The following LRP6 variants were observed in gnomAD, a reference collection of about 807,000 sequenced individuals.
LRP6 encodes the protein LDL receptor related protein 6, also known as low-density lipoprotein receptor-related protein 6.
LRP6 carries 43 observed loss-of-function variants against 184.1 expected under a neutral mutation model. The ratio of observed to expected loss-of-function variants is 0.23; its 90% confidence interval spans 0.18 to 0.30. The LOEUF (loss-of-function observed/expected upper bound fraction) is 0.30. Among genes scored for constraint, LRP6 ranks in the 10% least tolerant of loss-of-function variants. LRP6 has a pLI of 1.00. For synonymous variants in LRP6, 719 were observed against 684.9 expected (o/e 1.05, Z -0.78); for missense variants, 1,571 against 2,005.3 (o/e 0.78, Z 4.14).
chr12:12,126,909 T>C lies in LRP6; in HGVS notation c.4094A>G (p.Glu1365Gly). The C allele has an allele frequency of 6.2e-7, 1 of 1,613,978 alleles. No homozygotes were observed. The highest frequency in any genetic ancestry group is 8.5e-7 in the Non-Finnish European group (1 of 1,179,824). Reference protein sequence around the residue: ...SDELDCYPTEEPAPQATNTVG... With the variant: ...SDELDCYPTEGPAPQATNTVG... ...TGTATTGGTGGCCTGTGGTGCTGGT[T>C]CTTCAGTCGGATCTACAATGAAGAA... is the stretch of plus-strand genomic sequence containing the variant. The change falls in exon 20 of 23, where the codon GAA becomes GGA. Residue 1365 changes from glutamate (E) to glycine (G), a missense_variant. Physicochemically the swap from Glu to Gly is moderately conservative, Grantham distance 98 (BLOSUM62 -2). Transcript: ENST00000261349.
intron 7 of LRP6, among the ~76,000 whole-genome samples, chr12:12,173,357 T>G (rs754978819): frequency 3.3e-5 from 5 of 152,298 alleles, no homozygotes; most frequent in Non-Finnish European, 5.9e-5. Context: ...CTTTTGTTTT[T>G]GGGGGGACAG....
chr12:12,212,315 T>C (rs995603102), intron 2 of LRP6, among the ~76,000 whole-genome samples: 6 of 152,174 alleles, frequency 3.9e-5, no homozygotes, highest in Admixed American at 6.5e-5. Flanking sequence ...CCTTGAAAAA[T>C]ACAGGTAAAA....
In LRP6 at chr12:12,244,447, A is replaced by G. The variant is rs765841355; in HGVS notation, c.264T>C (p.Asn88=). ...TEFNKTESVQ[N]VVVSGLLSPD... is the part of the protein sequence containing the mutation. ...GGGACAATAATCCAGAAACAACAAC[A>G]TTCTGCACACTCTCAGTTTTGTTAA... Residue 88 remains asparagine, a synonymous_variant, in exon 2 of 23, where the codon AAT becomes AAC. Coordinates refer to ENST00000261349, the MANE Select transcript of LRP6 (RefSeq NM_002336.3). 4 of 1,614,186 alleles carry G rather than the reference A, an allele frequency of 2.5e-6. No homozygotes were observed. The highest frequency in any genetic ancestry group is 4.5e-5 in the East Asian group (2 of 44,876).
chr12:12,212,130 C>T (rs1864225856), intron 2 of LRP6, among the ~76,000 whole-genome samples: 1 of 152,152 alleles, frequency 6.6e-6, no homozygotes, highest in Admixed American at 6.6e-5. Flanking sequence ...GTTTTCACCA[C>T]TCTAGATTCC....
intron 16 of LRP6, among the ~76,000 whole-genome samples, chr12:12,135,976 G>A (rs1374156984): frequency 1.3e-5 from 2 of 152,020 alleles, no homozygotes; most frequent in East Asian, 1.9e-4. Context: ...CCTGAACTCA[G>A]GAGTTCAAGA....
chr12:12,117,032 T>C lies in LRP6; in HGVS notation c.*4094A>G, dbSNP rs753364858. 1.3e-5 allele frequency: 2 copies of C among 152,216 alleles called. No individual in the cohort carries two copies. The highest frequency in any genetic ancestry group is 2.9e-5 in the Non-Finnish European group (2 of 68,044). The allele number at this position is 152,216 out of a possible 1,614,324, so 9.4% of individuals were successfully genotyped here. A position where few individuals can be genotyped will look rare whatever the true frequency, so the allele number is the denominator to read the frequency against. On this transcript the variant is annotated 3_prime_UTR_variant, in exon 23 of 23. Coordinates refer to ENST00000261349, the MANE Select transcript of LRP6 (RefSeq NM_002336.3). ...TCTTCTACCATAAAATGTTGAGAAT[T>C]TCAAAAGCTAAATTTTGAAACTATT...
intron 15 of LRP6, among the ~76,000 whole-genome samples, chr12:12,140,920 TAAAAC>T (rs941969057): frequency 2.6e-5 from 4 of 152,182 alleles, no homozygotes; most frequent in African/African-American, 9.6e-5. Context: ...AAATAAATCT[TAAAAC>T]AAAACATTAG....
chr12:12,243,829 C>A (rs959478710), intron 2 of LRP6, among the ~76,000 whole-genome samples: 1 of 152,186 alleles, frequency 6.6e-6, no homozygotes, highest in Admixed American at 6.5e-5. Flanking sequence ...CAGCTCACTG[C>A]AACCTCTGCC....
chr12:12,185,321 T>A (rs953175645), intron 4 of LRP6, among the ~76,000 whole-genome samples: 1 of 152,110 alleles, frequency 6.6e-6, no homozygotes, highest in Non-Finnish European at 1.5e-5. Context: ...AATTCTCTTT[T>A]GAGGGCTATG....
rs1865789714 is a variant in LRP6 at position 12,266,975 on chromosome 12, C to CCCCCGGCGCCCCGCTT, written c.-256_-241dup. On this transcript the variant is annotated 5_prime_UTR_variant, in exon 1 of 23. It removes the in-frame stop codon of an upstream open reading frame in the 5' UTR. Transcript: ENST00000261349. ...GTCTGCTTCCATCCCGCCGCCTCCT[C>CCCCCGGCGCCCCGCTT]CCCCGGCGCCCCGCTTCCCCCGCGC... 5.6e-6 allele frequency: 3 copies of CCCCCGGCGCCCCGCTT among 535,102 alleles called. No individual in the cohort carries two copies. Among genetic ancestry groups the CCCCCGGCGCCCCGCTT allele is most frequent in the Admixed American group, 7.8e-5 (2 of 25,680 alleles). The allele number at this position is 535,102 out of a possible 1,614,324, so 33.1% of individuals were successfully genotyped here. A position where few individuals can be genotyped will look rare whatever the true frequency, so the allele number is the denominator to read the frequency against.
chr12:12,133,708 A>C (rs1341775553), intron 17 of LRP6, among the ~76,000 whole-genome samples: 3 of 152,112 alleles, frequency 2.0e-5, no homozygotes, highest in African/African-American at 7.2e-5. Context: ...AGGCCCTTTA[A>C]AAGATATTTT....
chr12:12,162,773 G>A (rs1862770531), intron 9 of LRP6, among the ~76,000 whole-genome samples: 2 of 152,112 alleles, frequency 1.3e-5, no homozygotes, highest in Non-Finnish European at 2.9e-5. Flanking sequence ...TTTTCTAAAG[G>A]TGCTTAAGAT....
intron 12 of LRP6, 147 bp from the exon 13 acceptor site, chr12:12,151,185 G>A: frequency 5.3e-6 from 4 of 750,032 alleles, no homozygotes; most frequent in South Asian, 4.7e-5. Flanking sequence ...TCTTTGGCAT[G>A]CCCTCAAAAA....
rs1234712481 is a variant in LRP6 at position 12,121,023 on chromosome 12, CTG to C, written c.*101_*102del. The C allele has an allele frequency of 3.0e-5, 29 of 957,758 alleles. No individual in the cohort carries two copies. Among genetic ancestry groups the C allele is most frequent in the Non-Finnish European group, 4.3e-5 (28 of 651,978 alleles). The allele number at this position is 957,758 out of a possible 1,614,324, so 59.3% of individuals were successfully genotyped here. A position where few individuals can be genotyped will look rare whatever the true frequency, so the allele number is the denominator to read the frequency against. On this transcript the variant is annotated 3_prime_UTR_variant, in exon 23 of 23. Transcript: ENST00000261349. ...TTTTATAATTTTAACTGTACATGGTCTGCCTCATCCTTCTCTAATAGCTCCCT... is the reference window on the plus strand; with the variant it reads ...TTTTATAATTTTAACTGTACATGGTCCCTCATCCTTCTCTAATAGCTCCCT...
At chr12:12,138,629 A>G (rs981258236) in intron 15 of LRP6, 95 bp from the exon 16 acceptor site, 6 of 1,297,160 alleles carry the variant, frequency 4.6e-6, no homozygotes, top group South Asian at 1.3e-5. Flanking sequence ...TTCTACAGGT[A>G]GAGAAAAGAA....
Position 12,135,123 on chromosome 12 carries a change from T to A in LRP6, c.3733+52A>T, listed in dbSNP as rs114115343. On this transcript the variant is annotated intron_variant, in intron 17 of 22. Coordinates refer to ENST00000261349, the MANE Select transcript of LRP6 (RefSeq NM_002336.3). Reference sequence around the variant, plus strand: ...TAGTCATAGAAGTCTAGGCTTAAGATATGGAATATGTTTGCATTTAGGGTT... The same window carrying A: ...TAGTCATAGAAGTCTAGGCTTAAGAAATGGAATATGTTTGCATTTAGGGTT... The A allele has an allele frequency of 1.1e-3, 1,713 of 1,611,376 alleles. 11 individuals are homozygous for A. The African/African-American group carries it at 0.021, about 19-fold the overall frequency.
chr12:12,239,291 A>G (rs1374758469), intron 2 of LRP6, among the ~76,000 whole-genome samples: 1 of 152,226 alleles, frequency 6.6e-6, no homozygotes, highest in Non-Finnish European at 1.5e-5. Flanking sequence ...GCTTCTATGC[A>G]AAAGCCAACT....
chr12:12,257,777 T>TAAAAA (rs1865504731), intron 1 of LRP6, among the ~76,000 whole-genome samples: 1 of 5,008 alleles, frequency 2.0e-4, no homozygotes, highest in Non-Finnish European at 5.7e-4. Flanking sequence ...ACCCTGTCTC[T>TAAAAA]ACAAAAAAAA....
In LRP6 at chr12:12,266,850, C is replaced by T. The variant is rs1865781932; in HGVS notation, c.-115G>A. 1.2e-6 allele frequency: 1 copy of T among 860,042 alleles called. No individual in the cohort carries two copies. Among genetic ancestry groups the T allele is most frequent in the Non-Finnish European group, 1.9e-6 (1 of 518,284 alleles). 53.3% of individuals were successfully genotyped at this position (860,042 alleles called of 1,614,324 possible). A position where few individuals can be genotyped will look rare whatever the true frequency, so the allele number is the denominator to read the frequency against. On this transcript the variant is annotated 5_prime_UTR_variant, in exon 1 of 23. Transcript: ENST00000261349. ...GCTGCACGCTCATACTTCCCAGCTT[C>T]CCAGCGAGAGAAGAAAGAAAGGGGC...
Sources: allele counts gnomAD v4.1 joint callset (sites outside exome capture counted in the v4.1 genomes callset), GRCh38; gene constraint gnomAD v4.1.1; transcripts MANE v1.5; gene names NCBI Gene and HGNC (gene_info 2026-07-23, HGNC 2026-07-21).